ACLY: variants seen among roughly 807,000 people sequenced by gnomAD.
ACLY encodes ATP-citrate synthase.
Under a neutral mutation model 133.0 loss-of-function variants are expected in ACLY, and 41 were observed. That is an observed-to-expected ratio of 0.31 (90% CI 0.24 to 0.40). ACLY has a LOEUF of 0.40. ACLY is among the 10% of genes least tolerant of loss of function. The pLI, the probability that ACLY is intolerant of heterozygous loss-of-function variation, is 1.00. For synonymous variants in ACLY, 495 were observed against 549.3 expected (o/e 0.90, Z 1.38); for missense variants, 1,046 against 1,453.8 (o/e 0.72, Z 4.56).
At chr17:41,897,447 T>C (rs970410652) in intron 13 of ACLY, among the ~76,000 whole-genome samples, 20 of 152,026 alleles carry the variant, frequency 1.3e-4, no homozygotes, top group Non-Finnish European at 1.5e-5. Flanking sequence ...CTGGGATTTC[T>C]GTAACCCTAT....
intron 1 of ACLY, among the ~76,000 whole-genome samples, chr17:41,927,500 C>T (rs548642090): frequency 1.1e-3 from 168 of 152,106 alleles, no homozygotes; most frequent in Non-Finnish European, 1.9e-3. Flanking sequence ...TTAAATATTT[C>T]TAGTTAATTT....
chr17:41,881,555 T>C (rs545937660), intron 20 of ACLY, among the ~76,000 whole-genome samples: 1 of 151,818 alleles, frequency 6.6e-6, no homozygotes, highest in East Asian at 1.9e-4. Flanking sequence ...ATTTAAGTCA[T>C]ACAACAACCT....
intron 27 of ACLY, 104 bp downstream of exon 27, chr17:41,868,939 T>C: frequency 7.4e-7 from 1 of 1,360,414 alleles, no homozygotes; most frequent in South Asian, 1.2e-5. Context: ...TACCTCTCCT[T>C]ATTTTTCAAA....
chr17:41,884,148 C>A (rs1555627790), intron 19 of ACLY, 45 bp downstream of exon 19: 1 of 1,151,240 alleles, frequency 8.7e-7, no homozygotes, highest in Non-Finnish European at 1.3e-6. Flanking sequence ...TGAGATCATG[C>A]ATTACAGTTT....
chr17:41,929,136 A>AATGTAGCC (rs2050280401), intron 1 of ACLY, among the ~76,000 whole-genome samples: 1 of 144,690 alleles, frequency 6.9e-6, no homozygotes, highest in Non-Finnish European at 1.5e-5. Flanking sequence ...GCTTTGTTAC[A>AATGTAGCC]CAGGCTACAA....
At chr17:41,918,093 C>G (rs1326186384) in intron 1 of ACLY, among the ~76,000 whole-genome samples, 1 of 152,260 alleles carries the variant, frequency 6.6e-6, no homozygotes, top group Non-Finnish European at 1.5e-5. Context: ...GCGGCAGGCG[C>G]TGGGACTGGC....
chr17:41,905,705 G>A (rs1298714046), intron 8 of ACLY, 47 bp from the exon 9 acceptor site: 1 of 1,612,862 alleles, frequency 6.2e-7, no homozygotes, highest in East Asian at 2.2e-5. Context: ...CTTGGGGCAG[G>A]GAGTGGCAGC....
chr17:41,913,834 G>A lies in ACLY; in HGVS notation c.40C>T (p.Leu14Phe). ...GTGGTACAGATGAACTTGTAAAGGA[G>A]TTCTTTGCCCGTCTGCTCTGAAATT... is the stretch of plus-strand genomic sequence containing the variant. ...KAISEQTGKELLYKFICTTSA... is the reference protein window; with the variant it reads ...KAISEQTGKEFLYKFICTTSA... The change falls in exon 2 of 29, where the codon CTC (leucine) becomes TTC (phenylalanine). Residue 14 changes from leucine (L) to phenylalanine (F), a missense_variant. Physicochemically the swap from Leu to Phe is conservative, Grantham distance 22. Coordinates refer to ENST00000352035, the MANE Select transcript of ACLY (RefSeq NM_001096.3). 1.2e-6 allele frequency: 2 copies of A among 1,614,244 alleles called. No individual in the cohort carries two copies. The highest frequency in any genetic ancestry group is 1.7e-6 in the Non-Finnish European group (2 of 1,180,052).
chr17:41,875,801 C>T (rs1472375526), intron 22 of ACLY, among the ~76,000 whole-genome samples: 1 of 152,216 alleles, frequency 6.6e-6, no homozygotes, highest in Admixed American at 6.5e-5. Flanking sequence ...ACAACCTCCA[C>T]CTCCCGGCCG....
chr17:41,904,827 A>G (rs1266059785), intron 9 of ACLY, 37 bp from the exon 10 acceptor site: 3 of 1,586,768 alleles, frequency 1.9e-6, no homozygotes, highest in South Asian at 1.1e-5. Context: ...AAACAGTTAC[A>G]TAGGTAGACT....
At chr17:41,910,418 A>G in intron 3 of ACLY, 134 bp from the exon 4 acceptor site, 1 of 724,980 alleles carries the variant, frequency 1.4e-6, no homozygotes. Flanking sequence ...TTTTCCAGAA[A>G]AAATGGGGTC....
intron 22 of ACLY, among the ~76,000 whole-genome samples, chr17:41,874,737 C>T (rs1044760321): frequency 6.6e-6 from 1 of 151,558 alleles, no homozygotes; most frequent in African/African-American, 2.4e-5. Flanking sequence ...CCACGCCCAG[C>T]TAATTTTTTG....
At chr17:41,924,402 C>T (rs2050218094) in intron 1 of ACLY, among the ~76,000 whole-genome samples, 1 of 151,406 alleles carries the variant, frequency 6.6e-6, no homozygotes, top group Admixed American at 6.6e-5. Context: ...CCGCCTCAGC[C>T]TCCCAAAGTG....
At chr17:41,889,500 G>A (rs1597999396) in intron 16 of ACLY, among the ~76,000 whole-genome samples, 1 of 100,058 alleles carries the variant, frequency 1.0e-5, no homozygotes, top group African/African-American at 3.9e-5. Flanking sequence ...TCTAGCTTGG[G>A]TGATGGAGAA....
At chr17:41,917,526 G>T (rs1473614125) in intron 1 of ACLY, among the ~76,000 whole-genome samples, 1 of 152,146 alleles carries the variant, frequency 6.6e-6, no homozygotes, top group Non-Finnish European at 1.5e-5. Context: ...CTGTTCCCCA[G>T]AACACGCCCC....
intron 7 of ACLY, 92 bp downstream of exon 7, chr17:41,907,350 G>T: frequency 9.5e-7 from 1 of 1,047,444 alleles, no homozygotes. Context: ...CAAATAAACA[G>T]CTCATGAAGG....
upstream of ACLY, among the ~76,000 whole-genome samples, chr17:41,919,211 A>T (rs1235964704): frequency 1.3e-5 from 2 of 149,410 alleles, no homozygotes; most frequent in African/African-American, 4.9e-5. Context: ...CCGGGTGGGG[A>T]GATGGGCCGG....
chr17:41,883,441 T>A (rs1297643131), intron 19 of ACLY, among the ~76,000 whole-genome samples: 2 of 152,204 alleles, frequency 1.3e-5, no homozygotes, highest in African/African-American at 2.4e-5. Flanking sequence ...AAATATAACA[T>A]GATTTAGGAT....
At chr17:41,898,567 C>T in intron 12 of ACLY, 64 bp downstream of exon 12, 13 of 1,578,380 alleles carry the variant, frequency 8.2e-6, no homozygotes, top group South Asian at 1.1e-5. Context: ...AGGAAGAAGA[C>T]TGTATCCTAG....
Sources: allele counts gnomAD v4.1 joint callset (sites outside exome capture counted in the v4.1 genomes callset), GRCh38; gene constraint gnomAD v4.1.1; transcripts MANE v1.5; gene names NCBI Gene and HGNC (gene_info 2026-07-23, HGNC 2026-07-21).